The following ARB2A variants were observed in gnomAD, a reference collection of about 807,000 sequenced individuals.
ARB2A encodes ARB2 cotranscriptional regulator A.
chr5:93,843,974 T>C, the ARB2A span, among the ~76,000 whole-genome samples: 1 of 151,936 alleles, frequency 6.6e-6, no homozygotes, highest in South Asian at 2.1e-4. Context: ...TATATATGTA[T>C]AGAAAGGTAC....
At chr5:93,798,160 C>G in the ARB2A span, among the ~76,000 whole-genome samples, 113 of 152,138 alleles carry the variant, frequency 7.4e-4, no homozygotes, top group Non-Finnish European at 1.4e-3. Context: ...GATTCCTTAC[C>G]CACTTCCATA....
the ARB2A span, among the ~76,000 whole-genome samples, chr5:93,641,111 A>T: frequency 5.9e-5 from 9 of 152,074 alleles, no homozygotes; most frequent in African/African-American, 2.2e-4. Context: ...GAGGCAGGAA[A>T]GTCACTTGAA....
the ARB2A span, among the ~76,000 whole-genome samples, chr5:94,032,086 C>T: frequency 1.3e-5 from 2 of 152,198 alleles, no homozygotes; most frequent in East Asian, 3.9e-4. Flanking sequence ...GGAGCCCCAA[C>T]AGAGAATCCC....
the ARB2A span, chr5:93,683,191 A>G: frequency 1.5e-6 from 2 of 1,296,852 alleles, no homozygotes; most frequent in Admixed American, 1.7e-5. Context: ...CATCATCATC[A>G]TCATCTTCAT....
chr5:93,853,126 A>C, the ARB2A span, among the ~76,000 whole-genome samples: 17 of 151,908 alleles, frequency 1.1e-4, no homozygotes, highest in Admixed American at 1.1e-3. Flanking sequence ...ATCCTCTTTT[A>C]TTTCATTGAG....
the ARB2A span, chr5:93,784,471 T>A: frequency 3.7e-6 from 6 of 1,612,802 alleles, no homozygotes; most frequent in Non-Finnish European, 5.1e-6. Flanking sequence ...AGTTACCTTA[T>A]TTTTTACATC....
the ARB2A span, among the ~76,000 whole-genome samples, chr5:94,059,745 T>TAA: frequency 7.2e-6 from 1 of 138,982 alleles, no homozygotes; most frequent in African/African-American, 2.6e-5. Context: ...ATTTTTCAAC[T>TAA]AAAAAAAAAA....
At chr5:93,955,713 C>A in the ARB2A span, among the ~76,000 whole-genome samples, 2 of 152,186 alleles carry the variant, frequency 1.3e-5, no homozygotes, top group Non-Finnish European at 2.9e-5. Flanking sequence ...TACATTTCCC[C>A]TTATAGCTAG....
At chr5:93,881,270 A>G in the ARB2A span, 1 of 414,816 alleles carries the variant, frequency 2.4e-6, no homozygotes, top group Non-Finnish European at 4.2e-6. Context: ...TGACTTCTAT[A>G]AAATGTCACA....
At chr5:93,699,830 A>G in the ARB2A span, among the ~76,000 whole-genome samples, 1 of 151,504 alleles carries the variant, frequency 6.6e-6, no homozygotes, top group African/African-American at 2.4e-5. Context: ...CTAGTATACT[A>G]GATGAAAAAT....
the ARB2A span, among the ~76,000 whole-genome samples, chr5:93,754,463 G>T: frequency 2.0e-5 from 3 of 152,150 alleles, no homozygotes; most frequent in African/African-American, 7.2e-5. Context: ...GGCACTTAGG[G>T]AGCACATTTG....
chr5:93,697,047 G>A, the ARB2A span, among the ~76,000 whole-genome samples: 1 of 129,440 alleles, frequency 7.7e-6, no homozygotes, highest in Admixed American at 8.6e-5. Context: ...GGGTGACAAA[G>A]CGAGACTCCA....
At chr5:93,854,990 T>C in the ARB2A span, among the ~76,000 whole-genome samples, 1 of 152,204 alleles carries the variant, frequency 6.6e-6, no homozygotes, top group African/African-American at 2.4e-5. Context: ...GATGCAGAGC[T>C]GAGTTCAATT....
At chr5:93,628,613 T>C in the ARB2A span, among the ~76,000 whole-genome samples, 1 of 152,254 alleles carries the variant, frequency 6.6e-6, no homozygotes, top group African/African-American at 2.4e-5. Flanking sequence ...ATCTTCTGGA[T>C]AACTTGCTAT....
the ARB2A span, chr5:93,740,539 C>T: frequency 6.5e-7 from 1 of 1,543,042 alleles, no homozygotes; most frequent in Non-Finnish European, 8.7e-7. Context: ...CTTCTTCTCC[C>T]CTCTCCAACC....
the ARB2A span, among the ~76,000 whole-genome samples, chr5:93,777,002 C>G: frequency 6.6e-6 from 1 of 151,946 alleles, no homozygotes; most frequent in Admixed American, 6.6e-5. Flanking sequence ...TGTAATACCA[C>G]AAGAAATGAA....
At chr5:93,630,033 T>G in the ARB2A span, among the ~76,000 whole-genome samples, 1 of 152,190 alleles carries the variant, frequency 6.6e-6, no homozygotes, top group Non-Finnish European at 1.5e-5. Flanking sequence ...AGCAGTTATT[T>G]TTAGAAAGCT....
At chr5:94,104,797 C>T in the ARB2A span, among the ~76,000 whole-genome samples, 2 of 152,034 alleles carry the variant, frequency 1.3e-5, no homozygotes, top group African/African-American at 4.8e-5. Flanking sequence ...AAAACCTAAT[C>T]TACCATGATC....
the ARB2A span, among the ~76,000 whole-genome samples, chr5:93,622,008 T>C: frequency 6.6e-6 from 1 of 152,308 alleles, no homozygotes; most frequent in East Asian, 1.9e-4. Flanking sequence ...TTCGATGTAA[T>C]ACTAATGTAC....
Sources: gnomAD v4.1 joint callset for allele counts (sites outside exome capture counted in the v4.1 genomes callset) on GRCh38, gnomAD v4.1.1 for gene constraint, MANE v1.5 for transcripts, NCBI Gene and HGNC (gene_info 2026-07-23, HGNC 2026-07-21) for gene names.